Variants in MLC1 observed in about 807,000 individuals in gnomAD.
MLC1 encodes modulator of VRAC current 1.
A neutral mutation model predicts 44.7 loss-of-function variants in MLC1; 32 were observed. The ratio of observed to expected loss-of-function variants is 0.72; its 90% CI spans 0.54 to 0.96. The LOEUF (loss-of-function observed/expected upper bound fraction) is 0.96, where lower values mean the gene tolerates loss of function less well. Among genes scored for constraint, MLC1 ranks in the 40% least tolerant of loss-of-function variants. The pLI is 0.00. For missense variants in MLC1, 459 were observed against 492.2 expected (o/e 0.93, Z 0.64); for synonymous variants, 190 against 213.0 (o/e 0.89, Z 0.94).
At position 50,083,121 on chromosome 22, in the gene MLC1, G is replaced by C. The variant is rs145484765; in HGVS notation, c.230C>G (p.Pro77Arg). 1 of 1,613,944 alleles carries C rather than the reference G, an allele frequency of 6.2e-7. No individual in the cohort carries two copies. Among genetic ancestry groups the C allele is most frequent in the Non-Finnish European group, 8.5e-7 (1 of 1,180,024 alleles). ...ACAGCGCAAGTAATCCATCTCAGCC[G>C]GGAACACGTTCCCCAGGTACAGCGA... ...GFSLYLGNVF[P>R]AEMDYLRCAA... Residue 77 changes from proline to arginine, a missense_variant, in exon 3 of 12, where the codon CCG becomes CGG. Coordinates refer to ENST00000311597, the MANE Select transcript of MLC1 (RefSeq NM_015166.4). The surrounding 1 kb of genome is among the most constrained non-coding windows in gnomAD (Gnocchi z 4.6).
At chr22:50,068,408 G>T (rs764138725) in intron 10 of MLC1, 25 bp downstream of exon 10, 1 of 1,611,690 alleles carries the variant, frequency 6.2e-7, no homozygotes, top group Admixed American at 1.7e-5. Context: ...ATGTCTGGGG[G>T]GCTCTGAAAT....
intron 4 of MLC1, 112 bp from the exon 5 acceptor site, chr22:50,080,131 T>G (rs1040118485): frequency 3.0e-6 from 3 of 1,016,468 alleles, no homozygotes; most frequent in Non-Finnish European, 4.5e-6. Context: ...TAGGACATAA[T>G]GGTGGGGAGT....
At chr22:50,082,957 G>C in intron 3 of MLC1, 127 bp downstream of exon 3, 1 of 958,130 alleles carries the variant, frequency 1.0e-6, no homozygotes, top group Non-Finnish European at 1.7e-6. Context: ...GAGCCACTGT[G>C]CCCGGCCCAT....
chr22:50,068,282 G>A (rs529914997), intron 10 of MLC1, 151 bp downstream of exon 10: 19 of 1,180,646 alleles, frequency 1.6e-5, no homozygotes, highest in African/African-American at 6.1e-5. Context: ...TGGGGAGCAC[G>A]GTCACCGCTG....
At position 50,084,501 on chromosome 22, in the gene MLC1, A is replaced by G. The variant is rs117090329; in HGVS notation, c.177+225T>C. ...CCTACCCTGGTGGGACTAAGCCACA[A>G]CCTGGAGCAGCTCAAGGCTGGCACA... On this transcript the variant is annotated intron_variant, in intron 2 of 11. Transcript: ENST00000311597. Among the ~76,000 whole-genome samples the G allele has an allele frequency of 0.076, 11,529 of 152,290 alleles. 507 individuals carry two copies. The highest frequency in any genetic ancestry group is 0.16 in the South Asian group (795 of 4,834).
At chr22:50,069,372 A>C (rs73183383) in intron 9 of MLC1, among the ~76,000 whole-genome samples, 18,530 of 151,880 alleles carry the variant, frequency 0.12, 1,255 homozygotes, top group South Asian at 0.23. Flanking sequence ...CATCTAGGCA[A>C]GGTGGCTCAC....
chr22:50,061,702 T>A lies in MLC1; in HGVS notation c.1060-45A>T, dbSNP rs1456501738. 2.6e-6 allele frequency: 4 copies of A among 1,565,040 alleles called. No homozygotes were observed. The African/African-American group carries it at 5.4e-5, about 21-fold the overall frequency. On this transcript the variant is annotated intron_variant, in intron 11 of 11. Transcript: ENST00000311597. ...GGTGTTACTTCACCAGGGCCACCTG[T>A]GCGGCGGGAAGGTGGACACGCCACT... is the stretch of plus-strand genomic sequence containing the variant.
rs1442434076 is a variant in MLC1, at chr22:50,060,579, G to C, written c.*1004C>G. 6.6e-6 allele frequency: 1 copy of C among 152,632 alleles called. No homozygotes were observed. The highest frequency in any genetic ancestry group is 1.5e-5 in the Non-Finnish European group (1 of 68,264). 9.5% of individuals were successfully genotyped at this position (152,632 alleles called of 1,614,324 possible). On this transcript the variant is annotated 3_prime_UTR_variant, in exon 12 of 12. Transcript: ENST00000311597. ...ATCTGTCCTGCATTTTGAGTAATGG[G>C]AGCAAACACAGGAGGGAGGGGCTCA...
chr22:50,079,262 C>T (rs1602047338), intron 5 of MLC1, among the ~76,000 whole-genome samples: 3 of 151,968 alleles, frequency 2.0e-5, no homozygotes, highest in South Asian at 4.2e-4. Context: ...CCAGCCTGGG[C>T]GACAGAGCGA....
chr22:50,081,682 C>T (rs1356439814), intron 3 of MLC1, among the ~76,000 whole-genome samples: 1 of 152,246 alleles, frequency 6.6e-6, no homozygotes, highest in African/African-American at 2.4e-5. Context: ...CAGAAGAAGC[C>T]CCGTCGGGGC....
chr22:50,079,994 AC>A lies in MLC1; in HGVS notation c.346del (p.Val116PhefsTer6). ...NVIPNFQILFVSTFAVTTTCL... is the reference protein window; with the variant it reads ...NVIPNFQILFXSTFAVTTTCL... ...CGTAGTGGTCACAGCAAACGTGGAA[AC>A]AAACAATATCTGAAAGTTGGGAATC... On this transcript the variant is annotated frameshift_variant, in exon 5 of 12. Coordinates refer to ENST00000311597, the MANE Select transcript of MLC1 (RefSeq NM_015166.4). LOFTEE classifies it high-confidence loss of function. 6.2e-7 allele frequency: 1 copy of A among 1,614,102 alleles called. No homozygotes were observed.
chr22:50,063,814 A>ACC (rs2146764797), intron 11 of MLC1, among the ~76,000 whole-genome samples: 3 of 79,166 alleles, frequency 3.8e-5, no homozygotes, highest in Admixed American at 1.6e-4. Flanking sequence ...CAGCACCTGC[A>ACC]CCGCAGGCCA....
chr22:50,063,088 T>G (rs2061605857), intron 11 of MLC1, among the ~76,000 whole-genome samples: 1 of 152,182 alleles, frequency 6.6e-6, no homozygotes, highest in African/African-American at 2.4e-5. Flanking sequence ...AGCCCTCTTC[T>G]GTGTCTCTAA....
chr22:50,071,383 C>T (rs1329965156), intron 8 of MLC1, among the ~76,000 whole-genome samples: 1 of 152,184 alleles, frequency 6.6e-6, no homozygotes, highest in African/African-American at 2.4e-5. Context: ...TGAGCCACCG[C>T]ACCTGGCCCT....
chr22:50,080,170 G>A, intron 4 of MLC1, 151 bp from the exon 5 acceptor site: 1 of 1,089,924 alleles, frequency 9.2e-7, no homozygotes, highest in Non-Finnish European at 1.4e-6. Context: ...TCTCCCCTCT[G>A]TGCGGCAAAG....
Position 50,084,160 on chromosome 22 carries a change from A to G in MLC1, c.177+566T>C, listed in dbSNP as rs1465464180. On this transcript the variant is annotated intron_variant, in intron 2 of 11. Coordinates refer to ENST00000311597, the MANE Select transcript of MLC1 (RefSeq NM_015166.4). ...TGGCTCTGAGCAGCTGCACACACTC[A>G]GGCCCAAGTGGCTCCTCCAATCATC... 2.0e-5 allele frequency among the ~76,000 whole-genome samples: 3 copies of G among 152,288 alleles called. No individual in the cohort carries two copies. In the East Asian group the frequency reaches 5.8e-4, roughly 29 times the overall value.
chr22:50,068,725 CT>C lies in MLC1; in HGVS notation c.772-171del, dbSNP rs765426637. Among the ~76,000 whole-genome samples, 14,885 of 104,920 alleles carry C rather than the reference CT, an allele frequency of 0.14. 758 individuals are homozygous for C. The highest frequency in any genetic ancestry group is 0.24 in the African/African-American group (6,683 of 27,366). 68.8% of individuals were successfully genotyped at this position (104,920 alleles called of 152,430 possible). On this transcript the variant is annotated intron_variant, in intron 9 of 11. Transcript: ENST00000311597. ...CCTCTGCCTTTTCTTTTTTCTTTTT[CT>C]TTTTTTTTTTTTTTTTTTTTGAGAC...
In MLC1 at chr22:50,083,040, C is replaced by T. The variant is rs759048893; in HGVS notation, c.267+44G>A. The T allele has an allele frequency of 6.3e-6, 10 of 1,576,842 alleles. No homozygotes were observed. The South Asian group carries it at 7.7e-5, about 12-fold the overall frequency. On this transcript the variant is annotated intron_variant, in intron 3 of 11. Coordinates refer to ENST00000311597, the MANE Select transcript of MLC1 (RefSeq NM_015166.4). This position sits in a 1 kb window ranked among gnomAD's most constrained non-coding sequence, Gnocchi z 4.6. ...AGAACAAAGAAACCAGAGCACGTGC[C>T]GGCGAGCTTGGGCACTGGCAGAGGC...
chr22:50,077,182 T>A (rs1448095129), intron 6 of MLC1, among the ~76,000 whole-genome samples: 1 of 152,156 alleles, frequency 6.6e-6, no homozygotes, highest in Non-Finnish European at 1.5e-5. Flanking sequence ...GGGTACAGCA[T>A]CTGTCTTCAC....
Sources: gnomAD v4.1 joint callset for allele counts (sites outside exome capture counted in the v4.1 genomes callset) on GRCh38, gnomAD v4.1.1 for gene constraint, Gnocchi (gnomAD v3.1) non-coding constraint, MANE v1.5 for transcripts, NCBI Gene and HGNC (gene_info 2026-07-23, HGNC 2026-07-21) for gene names.